The following MYPN variants were observed in gnomAD, a reference collection of about 807,000 sequenced individuals.
MYPN encodes sarcomeric protein myopalladin, 145 kDa (MYOP).
In MYPN, 63 loss-of-function variants were observed where a neutral mutation model predicts 129.4. The ratio of observed to expected loss-of-function variants is 0.49; its 90% confidence interval spans 0.40 to 0.60. The LOEUF (loss-of-function observed/expected upper bound fraction) is 0.60. MYPN is among the 20% of genes least tolerant of loss of function. The pLI, the probability that MYPN is intolerant of heterozygous loss-of-function variation, is 0.00. For synonymous variants in MYPN, 629 were observed against 600.9 expected (o/e 1.05, Z -0.68); for missense variants, 1,596 against 1,635.4 (o/e 0.98, Z 0.42).
At chr10:68,169,181 TAAAA>T (rs59317396) in intron 10 of MYPN, among the ~76,000 whole-genome samples, 2 of 91,072 alleles carry the variant, frequency 2.2e-5, no homozygotes, top group African/African-American at 6.7e-5. Flanking sequence ...CCGTCTCTAC[TAAAA>T]AAAAAAAAAA....
intron 10 of MYPN, among the ~76,000 whole-genome samples, chr10:68,169,177 CTACT>C (rs2043103131): frequency 1.8e-5 from 1 of 54,160 alleles, no homozygotes; most frequent in Admixed American, 2.0e-4. Context: ...AACTCCGTCT[CTACT>C]AAAAAAAAAA....
At chr10:68,159,898 G>T (rs1261606061) in intron 7 of MYPN, among the ~76,000 whole-genome samples, 1 of 151,996 alleles carries the variant, frequency 6.6e-6, no homozygotes, top group East Asian at 1.9e-4. Flanking sequence ...ATGATGTTTT[G>T]AAATATATAT....
chr10:68,150,131 T>G lies in MYPN; in HGVS notation c.1317+20T>G. 6.3e-7 allele frequency: 1 copy of G among 1,592,046 alleles called. No individual in the cohort carries two copies. Among genetic ancestry groups the G allele is most frequent in the South Asian group, 1.1e-5 (1 of 90,628 alleles). On this transcript the variant is annotated intron_variant, in intron 6 of 19. Coordinates refer to ENST00000358913, the MANE Select transcript of MYPN (RefSeq NM_032578.4). Reference sequence around the variant, plus strand: ...ACAAAGGTAATAAAAATATTACTTCTTTCTGTCATGGCTTTAAAGATACCA... The same window carrying G: ...ACAAAGGTAATAAAAATATTACTTCGTTCTGTCATGGCTTTAAAGATACCA...
intron 12 of MYPN, among the ~76,000 whole-genome samples, chr10:68,182,336 C>CATATATATAACATATATA (rs2043334775): frequency 1.7e-4 from 7 of 41,048 alleles, no homozygotes; most frequent in African/African-American, 4.4e-4. Flanking sequence ...ATATATAACA[C>CATATATATAACATATATA]ACACATATAT....
At chr10:68,203,710 C>T (rs200028674) in intron 18 of MYPN, among the ~76,000 whole-genome samples, 1,753 of 66,710 alleles carry the variant, frequency 0.026, 40 homozygotes, top group African/African-American at 0.082. Flanking sequence ...CACACACACA[C>T]ATACACACAC....
intron 4 of MYPN, among the ~76,000 whole-genome samples, chr10:68,146,625 G>C (rs1324818963): frequency 6.6e-6 from 1 of 152,124 alleles, no homozygotes; most frequent in Non-Finnish European, 1.5e-5. Flanking sequence ...ATCTGGATTT[G>C]GTGGGTAAAA....
intron 12 of MYPN, among the ~76,000 whole-genome samples, chr10:68,176,427 G>A (rs985910666): frequency 2.6e-5 from 4 of 152,284 alleles, no homozygotes; most frequent in Middle Eastern, 3.4e-3. Context: ...ATTTCAGTCA[G>A]TACAGTATGC....
chr10:68,126,630 C>T (rs2042330148), intron 2 of MYPN, among the ~76,000 whole-genome samples: 1 of 152,152 alleles, frequency 6.6e-6, no homozygotes, highest in African/African-American at 2.4e-5. Context: ...TCAAGCTGAA[C>T]TTGGTGACAC....
At chr10:68,192,746 G>T (rs1477619839) in intron 13 of MYPN, among the ~76,000 whole-genome samples, 2 of 152,058 alleles carry the variant, frequency 1.3e-5, no homozygotes, top group Non-Finnish European at 2.9e-5. Flanking sequence ...AGTCTTGGTA[G>T]GTTGTATGTG....
rs1298376008 is a variant in MYPN at position 68,121,876 on chromosome 10, C to CA, written c.444dup (p.Val149SerfsTer5). On this transcript the variant is annotated frameshift_variant, in exon 2 of 20. Transcript: ENST00000358913. LOFTEE classifies it high-confidence loss of function. ...CACAGTATTGTTCTGAAACCCAGTC[C>CA]AAAAAAGTATTTTTAAATAAGGCTG... 3.7e-6 allele frequency: 6 copies of CA among 1,614,074 alleles called. No individual in the cohort carries two copies. The highest frequency in any genetic ancestry group is 5.1e-6 in the Non-Finnish European group (6 of 1,180,004).
Position 68,194,382 on chromosome 10 carries a change from G to A in MYPN, c.2945G>A (p.Gly982Glu). ...PVPKVYWFKD[G>E]KQISKRNEHC... ...TTTCAGGTTTACTGGTTCAAAGATGGGAAGCAGATTTCTAAGAGAAATGAG... is the reference window on the plus strand; with the variant it reads ...TTTCAGGTTTACTGGTTCAAAGATGAGAAGCAGATTTCTAAGAGAAATGAG... The change falls in exon 14 of 20, where the codon GGG becomes GAG. Residue 982 changes from glycine (G) to glutamate (E), a missense_variant. Gly to Glu is a moderately conservative substitution (Grantham distance 98). Transcript: ENST00000358913. 6.2e-7 allele frequency: 1 copy of A among 1,613,142 alleles called. No homozygotes were observed. The highest frequency in any genetic ancestry group is 8.5e-7 in the Non-Finnish European group (1 of 1,179,444).
At chr10:68,165,420 C>A in intron 8 of MYPN, 2 of 488,518 alleles carry the variant, frequency 4.1e-6, no homozygotes, top group Admixed American at 2.3e-5. Flanking sequence ...CCACTGCGCT[C>A]CAGCCTGGGC....
chr10:68,117,255 A>T (rs1284820925), intron 1 of MYPN, among the ~76,000 whole-genome samples: 6 of 150,804 alleles, frequency 4.0e-5, no homozygotes, highest in African/African-American at 1.5e-4. Flanking sequence ...AGCTAATAGT[A>T]GAGTTAGCAG....
chr10:68,196,770 C>T (rs949334086), intron 15 of MYPN, among the ~76,000 whole-genome samples: 4 of 152,124 alleles, frequency 2.6e-5, no homozygotes, highest in Non-Finnish European at 5.9e-5. Flanking sequence ...CAGGCTTGAG[C>T]CACCACACCT....
chr10:68,176,215 A>G (rs571930188), intron 12 of MYPN, among the ~76,000 whole-genome samples: 1 of 152,218 alleles, frequency 6.6e-6, no homozygotes, highest in Non-Finnish European at 1.5e-5. Flanking sequence ...GCTTTCTAGT[A>G]AATGCTTACA....
chr10:68,155,078 G>A (rs780238636), intron 6 of MYPN, among the ~76,000 whole-genome samples: 2 of 152,080 alleles, frequency 1.3e-5, no homozygotes, highest in Non-Finnish European at 2.9e-5. Flanking sequence ...CTACTTGGGA[G>A]GCTGAGGCAG....
chr10:68,162,916 G>A (rs180939773), intron 8 of MYPN, among the ~76,000 whole-genome samples: 7 of 152,274 alleles, frequency 4.6e-5, no homozygotes, highest in Non-Finnish European at 2.9e-5. Flanking sequence ...TGAAGAAGCC[G>A]GGTTCTCATG....
At chr10:68,148,897 A>G (rs1051690462) in intron 5 of MYPN, among the ~76,000 whole-genome samples, 1 of 152,176 alleles carries the variant, frequency 6.6e-6, no homozygotes, top group African/African-American at 2.4e-5. Flanking sequence ...CAAGTTAATA[A>G]TAATGATACA....
In MYPN at chr10:68,169,740, C is replaced by CTT. The variant is rs575395237; in HGVS notation, c.1973+3086_1973+3087dup. The stretch of plus-strand genomic sequence containing the variant: ...AGGGACAATGGGCAGAAGTCATAGC[C>CTT]TTTTTTTTTTTTTCTCCAAGATGGA... On this transcript the variant is annotated intron_variant, in intron 10 of 19. Transcript: ENST00000358913. Among the ~76,000 whole-genome samples the CTT allele has an allele frequency of 5.5e-3, 796 of 145,234 alleles. 25 individuals are homozygous for CTT. Among genetic ancestry groups the CTT allele is most frequent in the Admixed American group, 0.045 (649 of 14,506 alleles).
Sources: gnomAD v4.1 joint callset for allele counts (sites outside exome capture counted in the v4.1 genomes callset) on GRCh38, gnomAD v4.1.1 for gene constraint, MANE v1.5 for transcripts, NCBI Gene and HGNC (gene_info 2026-07-23, HGNC 2026-07-21) for gene names.